The following FHIT variants were observed in gnomAD, a reference collection of about 807,000 sequenced individuals.
The protein encoded by FHIT is fragile histidine triad diadenosine triphosphatase.
FHIT carries 19 observed loss-of-function variants against 17.9 expected under a neutral mutation model. The observed-to-expected ratio is 1.06, with a 90% CI of 0.74 to 1.56. The LOEUF is 1.56. FHIT is among the 40% of genes most tolerant of loss of function. FHIT has a pLI of 0.00. For synonymous variants in FHIT, 81 were observed against 69.7 expected (o/e 1.16, Z -0.81); for missense variants, 248 against 189.2 (o/e 1.31, Z -1.82).
chr3:60,139,809 C>T (rs1389356064), intron 5 of FHIT, among the ~76,000 whole-genome samples: 1 of 122,184 alleles, frequency 8.2e-6, no homozygotes, highest in Non-Finnish European at 1.6e-5. Flanking sequence ...ACCTTAAGTA[C>T]CTTTCATTAT....
rs574443189 is a variant in FHIT, at chr3:60,920,724, C to A, written c.-110-98713G>T. 8.5e-5 allele frequency among the ~76,000 whole-genome samples: 13 copies of A among 152,108 alleles called. No homozygotes were observed. In the South Asian group the frequency reaches 1.7e-3, roughly 19 times the overall value. On this transcript the variant is annotated intron_variant, in intron 3 of 9. Coordinates refer to ENST00000492590, the MANE Select transcript of FHIT (RefSeq NM_002012.4). Reference sequence around the variant, plus strand: ...AGAACTGCAGCTGGAGCGGTAGAACCTTTTCAGTCATGTTTAAAGAATTTA... The same window carrying A: ...AGAACTGCAGCTGGAGCGGTAGAACATTTTCAGTCATGTTTAAAGAATTTA...
At chr3:61,088,531 G>T (rs2035374821) in intron 2 of FHIT, among the ~76,000 whole-genome samples, 1 of 152,078 alleles carries the variant, frequency 6.6e-6, no homozygotes. Context: ...TTAAAGTATA[G>T]ATGTAAACTT....
At chr3:60,359,277 C>CTTTTTTTTTTTTT (rs71089599) in intron 5 of FHIT, among the ~76,000 whole-genome samples, 1 of 109,910 alleles carries the variant, frequency 9.1e-6, no homozygotes, top group Non-Finnish European at 1.8e-5. Flanking sequence ...ATGAAAATAT[C>CTTTTTTTTTTTTT]TTTTTTTTTT....
intron 8 of FHIT, among the ~76,000 whole-genome samples, chr3:59,787,189 A>C (rs1235547350): frequency 1.3e-5 from 2 of 152,174 alleles, no homozygotes; most frequent in African/African-American, 4.8e-5. Context: ...AGGTTAACTA[A>C]CATGCTCAAT....
chr3:60,155,652 C>T (rs1194390236), intron 5 of FHIT, among the ~76,000 whole-genome samples: 3 of 152,180 alleles, frequency 2.0e-5, no homozygotes, highest in Non-Finnish European at 4.4e-5. Context: ...AGTGATTGAT[C>T]CAGGAATGGG....
intron 5 of FHIT, among the ~76,000 whole-genome samples, chr3:60,474,993 A>T (rs983083172): frequency 6.6e-6 from 1 of 152,172 alleles, no homozygotes; most frequent in African/African-American, 2.4e-5. Context: ...TATTAATACA[A>T]TGAACCAGGT....
At chr3:61,137,326 G>A (rs951635024) in intron 2 of FHIT, among the ~76,000 whole-genome samples, 98 of 124,094 alleles carry the variant, frequency 7.9e-4, no homozygotes, top group Admixed American at 3.0e-3. Context: ...CCTTGTTTCC[G>A]TCCCTTCTTC....
intron 2 of FHIT, among the ~76,000 whole-genome samples, chr3:61,129,447 T>A (rs9311797): frequency 0.014 from 2,175 of 152,252 alleles, 46 homozygotes; most frequent in African/African-American, 0.049. Context: ...GATGAATAGT[T>A]GGAACATGGT....
intron 8 of FHIT, among the ~76,000 whole-genome samples, chr3:59,832,413 C>G (rs1004397519): frequency 1.5e-4 from 23 of 152,114 alleles, no homozygotes; most frequent in African/African-American, 4.6e-4. Flanking sequence ...ATAATACACC[C>G]CTACCTTATC....
At chr3:59,890,005 G>T (rs1703786679) in intron 8 of FHIT, among the ~76,000 whole-genome samples, 1 of 152,102 alleles carries the variant, frequency 6.6e-6, no homozygotes. Flanking sequence ...AAAGCTTTAG[G>T]CCTTCAATGA....
At chr3:59,967,520 C>A (rs1707981839) in intron 7 of FHIT, among the ~76,000 whole-genome samples, 1 of 152,132 alleles carries the variant, frequency 6.6e-6, no homozygotes, top group Non-Finnish European at 1.5e-5. Context: ...TATAGGGCCA[C>A]CTTCATACAT....
chr3:60,289,669 G>A (rs1289012285), intron 5 of FHIT, among the ~76,000 whole-genome samples: 2 of 152,118 alleles, frequency 1.3e-5, no homozygotes, highest in South Asian at 2.1e-4. Context: ...AAAACCTGAA[G>A]CTGACTTGAA....
intron 5 of FHIT, among the ~76,000 whole-genome samples, chr3:60,297,328 T>C (rs537220849): frequency 2.9e-4 from 44 of 152,258 alleles, no homozygotes; most frequent in African/African-American, 9.1e-4. Flanking sequence ...CAGCATTCTG[T>C]AGTTTTCACC....
intron 3 of FHIT, among the ~76,000 whole-genome samples, chr3:60,853,730 A>T (rs1284491638): frequency 6.6e-6 from 1 of 152,096 alleles, no homozygotes; most frequent in Non-Finnish European, 1.5e-5. Context: ...TTATCTAATG[A>T]TCCGCTAGTT....
chr3:60,448,941 C>G (rs1426893841), intron 5 of FHIT, among the ~76,000 whole-genome samples: 2 of 152,148 alleles, frequency 1.3e-5, no homozygotes, highest in Non-Finnish European at 2.9e-5. Flanking sequence ...AGCCTTCATT[C>G]CAACCAGTGC....
chr3:61,016,820 A>G lies in FHIT; in HGVS notation c.-111+25227T>C, dbSNP rs2032135935. Among the ~76,000 whole-genome samples the G allele has an allele frequency of 1.3e-5, 2 of 152,242 alleles. 1 individual carries two copies. Among genetic ancestry groups the G allele is most frequent in the Admixed American group, 1.3e-4 (2 of 15,290 alleles). ...CAAATTCATGTGAAGCATACAGGCAATTTACAAACTCTATCTGTTCTGAAA... is the reference window on the plus strand; with the variant it reads ...CAAATTCATGTGAAGCATACAGGCAGTTTACAAACTCTATCTGTTCTGAAA... On this transcript the variant is annotated intron_variant, in intron 3 of 9. Coordinates refer to ENST00000492590, the MANE Select transcript of FHIT (RefSeq NM_002012.4).
intron 5 of FHIT, among the ~76,000 whole-genome samples, chr3:60,460,325 C>T (rs12638665): frequency 0.11 from 17,355 of 151,868 alleles, 1,510 homozygotes; most frequent in East Asian, 0.38. Context: ...AAAGAAGTTC[C>T]ACGGCTTTGG....
chr3:60,708,549 G>A (rs554044427), intron 4 of FHIT, among the ~76,000 whole-genome samples: 3 of 152,166 alleles, frequency 2.0e-5, no homozygotes, highest in Non-Finnish European at 4.4e-5. Flanking sequence ...CGAATGTAGT[G>A]AAACCCTATC....
intron 5 of FHIT, among the ~76,000 whole-genome samples, chr3:60,311,086 A>T (rs1708921019): frequency 6.6e-6 from 1 of 152,116 alleles, no homozygotes; most frequent in African/African-American, 2.4e-5. Flanking sequence ...CAATTAACCC[A>T]ACGTCATCCC....
Sources: allele counts gnomAD v4.1 joint callset (sites outside exome capture counted in the v4.1 genomes callset), GRCh38; gene constraint gnomAD v4.1.1; transcripts MANE v1.5; gene names NCBI Gene and HGNC (gene_info 2026-07-23, HGNC 2026-07-21).